The following PRKN variants were observed in gnomAD, a reference collection of about 807,000 sequenced individuals.
PRKN encodes the protein E3 ubiquitin-protein ligase parkin.
A neutral mutation model predicts 59.5 loss-of-function variants in PRKN; 56 were observed. That is an observed-to-expected ratio of 0.94 (90% confidence interval 0.76 to 1.18). The LOEUF is 1.18. PRKN is among the 50% of genes most tolerant of loss of function. The pLI is 0.00. For missense variants in PRKN, 657 were observed against 596.4 expected (o/e 1.10, Z -1.06); for synonymous variants, 250 against 222.1 (o/e 1.13, Z -1.12).
intron 6 of PRKN, among the ~76,000 whole-genome samples, chr6:161,826,542 G>T (rs1365331449): frequency 6.6e-6 from 1 of 152,132 alleles, no homozygotes; most frequent in Non-Finnish European, 1.5e-5. Flanking sequence ...GTCTGCACCC[G>T]TGTTTTATCC....
intron 4 of PRKN, among the ~76,000 whole-genome samples, chr6:162,181,183 C>T (rs1441645968): frequency 6.6e-6 from 1 of 152,204 alleles, no homozygotes; most frequent in Non-Finnish European, 1.5e-5. Context: ...GGTGACGTTC[C>T]AGTCCCAGGT....
Position 162,591,226 on chromosome 6 carries a change from T to C in PRKN, c.7+136436A>G, listed in dbSNP as rs1291336400. Among the ~76,000 whole-genome samples the C allele has an allele frequency of 3.3e-5, 5 of 152,110 alleles. No individual in the cohort carries two copies. The East Asian group carries it at 9.6e-4, about 29-fold the overall frequency. ...TACACAGGCAGAATGATACTTTCTT[T>C]TTTTTTTGTAAGTGTCACATCAGAA... is the stretch of plus-strand genomic sequence containing the variant. On this transcript the variant is annotated intron_variant, in intron 1 of 11. Coordinates refer to ENST00000366898, the MANE Select transcript of PRKN (RefSeq NM_004562.3).
intron 4 of PRKN, among the ~76,000 whole-genome samples, chr6:162,189,552 A>T (rs993242643): frequency 2.6e-5 from 4 of 151,514 alleles, no homozygotes; most frequent in African/African-American, 9.7e-5. Context: ...TAATAAGAAT[A>T]AAAATATCTA....
intron 7 of PRKN, among the ~76,000 whole-genome samples, chr6:161,609,168 CA>C (rs1418937128): frequency 6.6e-6 from 1 of 152,188 alleles, no homozygotes; most frequent in Non-Finnish European, 1.5e-5. Flanking sequence ...TCTGACACTG[CA>C]AGTGAGCTAG....
intron 4 of PRKN, among the ~76,000 whole-genome samples, chr6:162,188,423 A>T (rs1784119217): frequency 6.6e-6 from 1 of 152,026 alleles, no homozygotes; most frequent in South Asian, 2.1e-4. Context: ...CAACCTGAAC[A>T]CCAACATCAT....
At chr6:162,713,354 C>T (rs1778608621) in intron 1 of PRKN, among the ~76,000 whole-genome samples, 1 of 151,942 alleles carries the variant, frequency 6.6e-6, no homozygotes, top group Non-Finnish European at 1.5e-5. Flanking sequence ...ATTAGCCACG[C>T]GTGCTGGCGG....
At chr6:162,701,893 G>A (rs1278154039) in intron 1 of PRKN, among the ~76,000 whole-genome samples, 4 of 143,100 alleles carry the variant, frequency 2.8e-5, no homozygotes, top group African/African-American at 7.7e-5. Flanking sequence ...ACACCCCCCC[G>A]ACAAAATGAA....
intron 2 of PRKN, among the ~76,000 whole-genome samples, chr6:162,326,301 A>T (rs1783275130): frequency 6.6e-6 from 1 of 152,182 alleles, no homozygotes; most frequent in Admixed American, 6.5e-5. Context: ...GTCAGGCAAA[A>T]TTAAGTCATG....
chr6:161,775,545 T>TAGCAATTC (rs1461684545), intron 7 of PRKN, among the ~76,000 whole-genome samples: 1 of 152,220 alleles, frequency 6.6e-6, no homozygotes, highest in African/African-American at 2.4e-5. Flanking sequence ...CAGCCTAAGT[T>TAGCAATTC]AGCAATTCCG....
intron 1 of PRKN, among the ~76,000 whole-genome samples, chr6:162,674,070 G>C (rs201557358): frequency 1.3e-5 from 2 of 152,284 alleles, no homozygotes; most frequent in East Asian, 1.9e-4. Flanking sequence ...GTTGCATGGT[G>C]TCAGAACACA....
intron 1 of PRKN, among the ~76,000 whole-genome samples, chr6:162,530,320 G>A (rs1049800558): frequency 9.2e-5 from 14 of 152,262 alleles, no homozygotes; most frequent in African/African-American, 3.1e-4. Context: ...TGGGTACTCA[G>A]GTTAGACTTT....
At chr6:161,961,669 C>G (rs550315345) in intron 6 of PRKN, among the ~76,000 whole-genome samples, 1 of 152,084 alleles carries the variant, frequency 6.6e-6, no homozygotes, top group Admixed American at 6.6e-5. Flanking sequence ...TCCCTGCCAT[C>G]GACAGAAATG....
intron 9 of PRKN, among the ~76,000 whole-genome samples, chr6:161,532,533 T>C (rs140870440): frequency 8.1e-4 from 123 of 152,246 alleles, no homozygotes; most frequent in African/African-American, 2.8e-3. Context: ...AGTGTACTAA[T>C]GTTAAATGTT....
chr6:162,697,439 T>C (rs1204205981), intron 1 of PRKN, among the ~76,000 whole-genome samples: 1 of 152,208 alleles, frequency 6.6e-6, no homozygotes, highest in African/African-American at 2.4e-5. Context: ...AAAGTTAATT[T>C]ACTTTAGTAA....
At chr6:162,683,264 A>G (rs1172527408) in intron 1 of PRKN, among the ~76,000 whole-genome samples, 2 of 152,188 alleles carry the variant, frequency 1.3e-5, no homozygotes, top group Non-Finnish European at 2.9e-5. Context: ...TTCAAACTTT[A>G]GTTCCTCAGT....
At chr6:162,301,201 C>T (rs975748663) in intron 2 of PRKN, among the ~76,000 whole-genome samples, 1 of 152,038 alleles carries the variant, frequency 6.6e-6, no homozygotes, top group Non-Finnish European at 1.5e-5. Context: ...GTGCATCAAG[C>T]GCTTTGGGAG....
At chr6:162,622,373 G>T (rs556784776) in intron 1 of PRKN, among the ~76,000 whole-genome samples, 1 of 151,348 alleles carries the variant, frequency 6.6e-6, no homozygotes, top group East Asian at 2.0e-4. Context: ...TAGTAGAGAC[G>T]GGGTTTTGCA....
At chr6:161,622,421 A>C (rs1441253533) in intron 7 of PRKN, among the ~76,000 whole-genome samples, 1 of 152,086 alleles carries the variant, frequency 6.6e-6, no homozygotes, top group African/African-American at 2.4e-5. Context: ...AGGCCCCTAA[A>C]GGAGGTTCTG....
chr6:162,556,364 T>TGTGTGTGTGTGTGTGCGC, intron 1 of PRKN, among the ~76,000 whole-genome samples: 1 of 91,172 alleles, frequency 1.1e-5, no homozygotes, highest in Non-Finnish European at 2.5e-5. Context: ...TGTGTGTGTG[T>TGTGTGTGTGTGTGTGCGC]GTGTGTGTGT....
Sources: allele counts gnomAD v4.1 joint callset (sites outside exome capture counted in the v4.1 genomes callset), GRCh38; gene constraint gnomAD v4.1.1; transcripts MANE v1.5; gene names NCBI Gene and HGNC (gene_info 2026-07-23, HGNC 2026-07-21).